Variants in HMMR observed in about 807,000 individuals in gnomAD.
HMMR encodes the protein intracellular hyaluronic acid-binding protein.
HMMR carries 108 observed loss-of-function variants against 101.0 expected under a neutral mutation model. The observed-to-expected ratio is 1.07, with a 90% CI of 0.92 to 1.25. The LOEUF (loss-of-function observed/expected upper bound fraction) is 1.25, where lower values mean the gene tolerates loss of function less well. Among genes scored for constraint, HMMR ranks in the 50% most tolerant of loss-of-function variants. The pLI is 0.00. For missense variants in HMMR, 813 were observed against 788.7 expected, an observed-to-expected ratio of 1.03 and a Z score of -0.37; for synonymous variants, 296 against 276.4, an observed-to-expected ratio of 1.07 and a Z score of -0.70.
rs1158923154 is a variant in HMMR at position 163,462,711 on chromosome 5, C to G, written c.47-1145C>G. On this transcript the variant is annotated intron_variant, in intron 1 of 17. Transcript: ENST00000393915. ...GGCGTGGTGGTGGGAGCCTGTAATC[C>G]CAGCTACTCGGGAGGCTGAGGCAGG... Among the ~76,000 whole-genome samples, 6 of 151,348 alleles carry G rather than the reference C, an allele frequency of 4.0e-5. No homozygotes were observed. In the East Asian group the frequency reaches 1.2e-3, roughly 29 times the overall value.
chr5:163,469,929 AGGCC>A (rs1312299584), intron 5 of HMMR, 100 bp downstream of exon 5: 8 of 713,884 alleles, frequency 1.1e-5, no homozygotes, highest in Non-Finnish European at 1.8e-5. Flanking sequence ...GCATTTTGGG[AGGCC>A]AAGGCAGGCG....
intron 3 of HMMR, among the ~76,000 whole-genome samples, chr5:163,465,697 G>A (rs934331639): frequency 4.0e-5 from 6 of 151,874 alleles, no homozygotes; most frequent in African/African-American, 1.5e-4. Flanking sequence ...AGTGGTTCAC[G>A]CCTATAATCC....
intron 12 of HMMR, among the ~76,000 whole-genome samples, chr5:163,481,358 T>G (rs1759251194): frequency 6.6e-6 from 1 of 151,930 alleles, no homozygotes; most frequent in Non-Finnish European, 1.5e-5. Context: ...GAATTTCCCT[T>G]CTCGTTAGTT....
intron 10 of HMMR, among the ~76,000 whole-genome samples, chr5:163,475,021 G>T (rs190299139): frequency 6.6e-6 from 1 of 151,914 alleles, no homozygotes; most frequent in Non-Finnish European, 1.5e-5. Context: ...GGGGGAAGTC[G>T]TCAAAGATAA....
chr5:163,467,629 C>A, intron 3 of HMMR, 72 bp from the exon 4 acceptor site: 1 of 830,572 alleles, frequency 1.2e-6, no homozygotes, highest in Non-Finnish European at 2.0e-6. Flanking sequence ...TTTCTGATAA[C>A]TGAAAAACAA....
At chr5:163,467,633 A>G in intron 3 of HMMR, 68 bp from the exon 4 acceptor site, 1 of 868,122 alleles carries the variant, frequency 1.2e-6, no homozygotes, top group Non-Finnish European at 1.9e-6. Flanking sequence ...TGATAACTGA[A>G]AAACAAATTT....
At chr5:163,478,088 C>G (rs547063815) in intron 11 of HMMR, among the ~76,000 whole-genome samples, 10 of 152,160 alleles carry the variant, frequency 6.6e-5, no homozygotes, top group African/African-American at 2.4e-4. Context: ...ATTTTATCAC[C>G]ACTTTGGAAA....
chr5:163,472,438 C>T (rs1037503942), intron 7 of HMMR, among the ~76,000 whole-genome samples: 1 of 151,918 alleles, frequency 6.6e-6, no homozygotes, highest in African/African-American at 2.4e-5. Context: ...TTTATGGACA[C>T]GTTTTTATTT....
At chr5:163,467,785 G>T (rs1381861462) in intron 4 of HMMR, 37 bp downstream of exon 4, 1 of 1,214,754 alleles carries the variant, frequency 8.2e-7, no homozygotes, top group Non-Finnish European at 1.2e-6. Context: ...AAGTACACAT[G>T]ATAGAAAGAG....
chr5:163,468,454 T>C (rs964024184), intron 4 of HMMR, among the ~76,000 whole-genome samples: 1 of 152,240 alleles, frequency 6.6e-6, no homozygotes, highest in African/African-American at 2.4e-5. Context: ...TGAACTTTGC[T>C]TCTCTGCAGT....
intron 11 of HMMR, among the ~76,000 whole-genome samples, chr5:163,475,933 G>C (rs1759058112): frequency 6.6e-6 from 1 of 152,078 alleles, no homozygotes; most frequent in Non-Finnish European, 1.5e-5. Context: ...GCCAAAGAGA[G>C]TTTAAATAAA....
At chr5:163,461,266 G>A (rs758406320) in intron 1 of HMMR, among the ~76,000 whole-genome samples, 15 of 152,158 alleles carry the variant, frequency 9.9e-5, no homozygotes, top group Non-Finnish European at 1.8e-4. Context: ...CTCAAGCACC[G>A]TACTAAGGCT....
Position 163,484,158 on chromosome 5 carries a change from A to G in HMMR, c.1875A>G (p.Ser625=), listed in dbSNP as rs900464062. The G allele has an allele frequency of 2.5e-6, 4 of 1,604,172 alleles. No individual in the cohort carries two copies. Among genetic ancestry groups the G allele is most frequent in the South Asian group, 2.2e-5 (2 of 90,098 alleles). Residue 625 remains serine (S), a synonymous_variant, in exon 16 of 18, where the codon TCA becomes TCG. Transcript: ENST00000393915. ...AQEQLNKIRD[S]YAKLLGHQNL... ...AACAGCTAAATAAAATAAGAGATTC[A>G]TATGCTAAATTATTGGGTCATCAGA...
intron 1 of HMMR, among the ~76,000 whole-genome samples, chr5:163,462,929 C>T (rs1344046627): frequency 6.6e-6 from 1 of 151,748 alleles, no homozygotes; most frequent in Non-Finnish European, 1.5e-5. Flanking sequence ...AAGCTCCTTG[C>T]TCTTCCTATT....
chr5:163,487,719 T>G (rs181078058), intron 16 of HMMR, among the ~76,000 whole-genome samples: 1 of 152,128 alleles, frequency 6.6e-6, no homozygotes, highest in African/African-American at 2.4e-5. Flanking sequence ...TATTCCTTTA[T>G]AATCTTTTTT....
At chr5:163,468,754 A>C (rs1044050649) in intron 4 of HMMR, among the ~76,000 whole-genome samples, 22 of 152,158 alleles carry the variant, frequency 1.4e-4, no homozygotes, top group Admixed American at 1.2e-3. Context: ...AGAACTAATA[A>C]TTTACACCAG....
chr5:163,488,285 A>G (rs1485948704), intron 16 of HMMR, among the ~76,000 whole-genome samples: 1 of 152,132 alleles, frequency 6.6e-6, no homozygotes, highest in Non-Finnish European at 1.5e-5. Flanking sequence ...GGCAGTAAGG[A>G]TAGTACTCAA....
chr5:163,473,204 G>A lies in HMMR; in HGVS notation c.676G>A (p.Asp226Asn). ...KLVSIEKEKI[D>N]EKSETEKLLE... ...TGTTTCAATAGAGAAAGAAAAGATT[G>A]ATGAAAAATCTGAAACAGAAAAACT... is the stretch of plus-strand genomic sequence containing the variant. The change falls in exon 8 of 18, where the codon GAT (aspartate) becomes AAT (asparagine). Residue 226 changes from aspartate to asparagine, a missense_variant. Transcript: ENST00000393915. 2 of 1,561,858 alleles carry A rather than the reference G, an allele frequency of 1.3e-6. No individual in the cohort carries two copies. The highest frequency in any genetic ancestry group is 1.8e-6 in the Non-Finnish European group (2 of 1,135,512).
At chr5:163,469,370 CA>C (rs11325489) in intron 4 of HMMR, among the ~76,000 whole-genome samples, 102,838 of 108,284 alleles carry the variant, frequency 0.95, 48,821 homozygotes, top group South Asian at 0.98. Context: ...GACTCCATCT[CA>C]AAAAAAAAAA....
Sources: allele counts gnomAD v4.1 joint callset (sites outside exome capture counted in the v4.1 genomes callset), GRCh38; gene constraint gnomAD v4.1.1; transcripts MANE v1.5; gene names NCBI Gene and HGNC (gene_info 2026-07-23, HGNC 2026-07-21).